The following PPFIBP2 variants were observed in gnomAD, a reference collection of about 807,000 sequenced individuals.
PPFIBP2 encodes PPFIB scaffold protein 2, also known as liprin-beta-2.
Under a neutral mutation model 118.3 loss-of-function variants are expected in PPFIBP2, and 118 were observed. That is an observed-to-expected ratio of 1.00 (90% confidence interval 0.86 to 1.16). The LOEUF (loss-of-function observed/expected upper bound fraction) is 1.16, where lower values mean the gene tolerates loss of function less well. PPFIBP2 is among the 50% of genes most tolerant of loss of function. PPFIBP2 has a pLI of 0.00. For synonymous variants in PPFIBP2, 414 were observed against 397.4 expected (o/e 1.04, Z -0.50); for missense variants, 1,195 against 1,073.1 (o/e 1.11, Z -1.59).
intron 17 of PPFIBP2, among the ~76,000 whole-genome samples, chr11:7,645,048 A>C (rs1169811729): frequency 6.6e-6 from 1 of 150,616 alleles, no homozygotes; most frequent in Non-Finnish European, 1.5e-5. Flanking sequence ...AAAAAAAAAA[A>C]AAAAAAAAAA....
chr11:7,607,253 G>T (rs113314332), intron 5 of PPFIBP2, among the ~76,000 whole-genome samples: 1 of 148,346 alleles, frequency 6.7e-6, no homozygotes, highest in African/African-American at 2.5e-5. Context: ...TGTCGCCTAG[G>T]CTGGAGCACT....
At chr11:7,535,571 T>A (rs898603391) in intron 1 of PPFIBP2, among the ~76,000 whole-genome samples, 10 of 152,208 alleles carry the variant, frequency 6.6e-5, no homozygotes, top group African/African-American at 2.2e-4. Context: ...TAATAATAGT[T>A]ATAAATATTG....
chr11:7,606,001 C>A, intron 5 of PPFIBP2: 1 of 1,534,904 alleles, frequency 6.5e-7, no homozygotes, highest in Non-Finnish European at 8.7e-7. Flanking sequence ...ATTGAGGAGA[C>A]GGAGTGCGCC....
At chr11:7,563,142 G>A (rs1854538059) in intron 2 of PPFIBP2, among the ~76,000 whole-genome samples, 1 of 151,790 alleles carries the variant, frequency 6.6e-6, no homozygotes, top group African/African-American at 2.4e-5. Context: ...GTGATATAAA[G>A]TTAATGAAAA....
At chr11:7,643,264 T>C (rs1023472971) in intron 17 of PPFIBP2, among the ~76,000 whole-genome samples, 4 of 152,210 alleles carry the variant, frequency 2.6e-5, no homozygotes, top group Non-Finnish European at 5.9e-5. Context: ...AATCAAGCTA[T>C]AGTAAGCTTG....
intron 1 of PPFIBP2, among the ~76,000 whole-genome samples, chr11:7,526,356 G>A (rs61890184): frequency 0.14 from 21,522 of 152,122 alleles, 1,639 homozygotes; most frequent in Admixed American, 0.19. Context: ...AAGTGGGATC[G>A]AGAAATAATA....
chr11:7,556,130 G>C (rs1263943393), intron 2 of PPFIBP2, among the ~76,000 whole-genome samples: 1 of 152,168 alleles, frequency 6.6e-6, no homozygotes, highest in Admixed American at 6.5e-5. Context: ...GGTGTGTTCT[G>C]TGTGGAAAAA....
intron 4 of PPFIBP2, among the ~76,000 whole-genome samples, chr11:7,593,575 A>G (rs1398536205): frequency 6.6e-6 from 1 of 152,098 alleles, no homozygotes; most frequent in Non-Finnish European, 1.5e-5. Context: ...GGGAGGGGAG[A>G]TATATCCTCA....
intron 2 of PPFIBP2, among the ~76,000 whole-genome samples, chr11:7,554,458 A>G (rs1034438069): frequency 2.0e-5 from 3 of 152,160 alleles, no homozygotes; most frequent in African/African-American, 7.2e-5. Context: ...TGTGATATCA[A>G]TGTTTATGTA....
intron 2 of PPFIBP2, among the ~76,000 whole-genome samples, chr11:7,558,072 G>A (rs577137455): frequency 6.6e-6 from 1 of 152,288 alleles, no homozygotes; most frequent in African/African-American, 2.4e-5. Flanking sequence ...AATGAAGATA[G>A]GCTAAGTTAT....
intron 2 of PPFIBP2, among the ~76,000 whole-genome samples, chr11:7,562,940 TATATA>T (rs1854482714): frequency 2.7e-5 from 2 of 74,176 alleles, no homozygotes; most frequent in African/African-American, 1.3e-4. Flanking sequence ...TATATATATA[TATATA>T]TATATATATA....
At chr11:7,552,151 T>G (rs72849056) in intron 2 of PPFIBP2, among the ~76,000 whole-genome samples, 7,506 of 152,328 alleles carry the variant, frequency 0.049, 236 homozygotes, top group African/African-American at 0.1. Context: ...GTAGCCAGAC[T>G]ACTTGTTTGA....
In PPFIBP2 at chr11:7,606,950, G is replaced by A. The variant is rs527560288; in HGVS notation, c.487-3341G>A. Among the ~76,000 whole-genome samples the A allele has an allele frequency of 1.3e-4, 14 of 108,958 alleles. 1 individual carries two copies. In the South Asian group the frequency reaches 2.8e-3, roughly 22 times the overall value. 71.5% of individuals were successfully genotyped at this position (108,958 alleles called of 152,430 possible). On this transcript the variant is annotated intron_variant, in intron 5 of 23. Coordinates refer to ENST00000299492, the MANE Select transcript of PPFIBP2 (RefSeq NM_003621.5). ...TTTTGAGACAGAGTCTCACTGTGTC[G>A]CCCAGGCTGGAGTGCAGTGGCACGA...
chr11:7,622,957 G>T (rs1849527594), intron 7 of PPFIBP2, among the ~76,000 whole-genome samples: 1 of 152,200 alleles, frequency 6.6e-6, no homozygotes, highest in South Asian at 2.1e-4. Flanking sequence ...ACTACCAGGT[G>T]TGGAGCACTT....
chr11:7,537,883 C>T (rs904853896), intron 1 of PPFIBP2, among the ~76,000 whole-genome samples: 7 of 152,190 alleles, frequency 4.6e-5, no homozygotes, highest in Non-Finnish European at 8.8e-5. Flanking sequence ...TTTGGCATCT[C>T]CCCAAACCAT....
chr11:7,666,972 G>GTGAT, the PPFIBP2 span: 1 of 158,190 alleles, frequency 6.3e-6, no homozygotes. Context: ...AGAAAGTCCT[G>GTGAT]TGATAGAACA....
At chr11:7,597,358 G>A (rs750781795) in intron 4 of PPFIBP2, 19 of 1,535,716 alleles carry the variant, frequency 1.2e-5, no homozygotes, top group Non-Finnish European at 1.5e-5. Flanking sequence ...AGCAGTGGCC[G>A]AGACTCCCTG....
intron 17 of PPFIBP2, among the ~76,000 whole-genome samples, chr11:7,647,218 G>A (rs1284099931): frequency 6.6e-6 from 1 of 152,082 alleles, no homozygotes; most frequent in East Asian, 1.9e-4. Context: ...AATCTTTCTG[G>A]TCTTTGAAGG....
intron 1 of PPFIBP2, among the ~76,000 whole-genome samples, chr11:7,517,879 TG>T (rs1160272798): frequency 2.0e-5 from 3 of 152,056 alleles, no homozygotes; most frequent in Non-Finnish European, 4.4e-5. Context: ...CAGGAAGGGA[TG>T]GGGGGCGGTC....
Sources: gnomAD v4.1 joint callset for allele counts (sites outside exome capture counted in the v4.1 genomes callset) on GRCh38, gnomAD v4.1.1 for gene constraint, MANE v1.5 for transcripts, NCBI Gene and HGNC (gene_info 2026-07-23, HGNC 2026-07-21) for gene names.